The following RPS6KA5 variants were observed in gnomAD, a reference collection of about 807,000 sequenced individuals.
The protein encoded by RPS6KA5 is ribosomal protein S6 kinase A5.
A neutral mutation model predicts 85.5 loss-of-function variants in RPS6KA5; 27 were observed. The observed-to-expected ratio is 0.32, with a 90% CI of 0.23 to 0.44. The LOEUF (loss-of-function observed/expected upper bound fraction) is 0.44, where lower values mean the gene tolerates loss of function less well. RPS6KA5 is among the 20% of genes least tolerant of loss of function. RPS6KA5 has a pLI of 1.00. For missense variants in RPS6KA5, 811 were observed against 980.9 expected (o/e 0.83, Z 2.31); for synonymous variants, 334 against 348.2 (o/e 0.96, Z 0.46).
At chr14:91,005,404 T>C (rs775389789) in intron 1 of RPS6KA5, among the ~76,000 whole-genome samples, 8 of 152,268 alleles carry the variant, frequency 5.3e-5, no homozygotes, top group Non-Finnish European at 1.2e-4. Flanking sequence ...TTTGTTGTTG[T>C]TGTTTTTTGC....
chr14:90,905,531 G>A (rs1215543594), intron 8 of RPS6KA5, among the ~76,000 whole-genome samples: 2 of 152,030 alleles, frequency 1.3e-5, no homozygotes, highest in African/African-American at 4.8e-5. Context: ...TTAATATTTT[G>A]GTGTTTTTTT....
intron 6 of RPS6KA5, among the ~76,000 whole-genome samples, chr14:90,921,779 T>A (rs1431158669): frequency 1.3e-5 from 2 of 152,056 alleles, no homozygotes; most frequent in African/African-American, 4.8e-5. Flanking sequence ...CCAAAGATTC[T>A]CCACAGCCAG....
At chr14:90,934,440 CCTG>C (rs2037155952) in intron 5 of RPS6KA5, among the ~76,000 whole-genome samples, 1 of 151,770 alleles carries the variant, frequency 6.6e-6, no homozygotes, top group South Asian at 2.1e-4. Context: ...CTTTAAAGTC[CCTG>C]ACACTCAGCA....
intron 3 of RPS6KA5, among the ~76,000 whole-genome samples, chr14:90,975,233 T>TG (rs1353796096): frequency 6.6e-6 from 1 of 152,018 alleles, no homozygotes; most frequent in East Asian, 1.9e-4. Flanking sequence ...TCAGACAAAC[T>TG]GTTAGCAAGG....
intron 3 of RPS6KA5, among the ~76,000 whole-genome samples, chr14:90,977,503 C>T (rs922415994): frequency 1.3e-5 from 2 of 152,212 alleles, no homozygotes; most frequent in African/African-American, 4.8e-5. Flanking sequence ...GTGTAAAGGG[C>T]TGACTGATTA....
At chr14:90,877,617 T>A (rs1197494664) in intron 14 of RPS6KA5, among the ~76,000 whole-genome samples, 1 of 152,218 alleles carries the variant, frequency 6.6e-6, no homozygotes, top group African/African-American at 2.4e-5. Context: ...CTTCTGCAGT[T>A]CCCCATATTC....
In RPS6KA5 at chr14:91,020,534, CTGTGTGTGTGTGTG is replaced by C. The variant is rs34407471; in HGVS notation, c.104-19389_104-19376del. On this transcript the variant is annotated intron_variant, in intron 1 of 16. Coordinates refer to ENST00000614987, the MANE Select transcript of RPS6KA5 (RefSeq NM_004755.4). ...ATCTCCTATGGATGCTAAGGAATGA[CTGTGTGTGTGTGTG>C]TGTGTGTGTGTGTGTGTGTGTGTGT... is the stretch of plus-strand genomic sequence containing the variant. Among the ~76,000 whole-genome samples, 134 of 110,050 alleles carry C rather than the reference CTGTGTGTGTGTGTG, an allele frequency of 1.2e-3. 1 individual carries two copies. The highest frequency in any genetic ancestry group is 4.1e-3 in the African/African-American group (106 of 26,038). The allele number at this position is 110,050 out of a possible 152,430, so 72.2% of individuals were successfully genotyped here.
At chr14:90,937,071 A>T (rs2037298545) in intron 5 of RPS6KA5, among the ~76,000 whole-genome samples, 1 of 152,034 alleles carries the variant, frequency 6.6e-6, no homozygotes, top group Non-Finnish European at 1.5e-5. Context: ...GACTGAGCTG[A>T]GGGGAACCCT....
rs1398314132 is a variant in RPS6KA5, at chr14:91,013,498, A to G, written c.104-12339T>C. Among the ~76,000 whole-genome samples, 3 of 152,180 alleles carry G rather than the reference A, an allele frequency of 2.0e-5. No individual in the cohort carries two copies. The South Asian group carries it at 6.2e-4, about 32-fold the overall frequency. On this transcript the variant is annotated intron_variant, in intron 1 of 16. Transcript: ENST00000614987. ...AGCTGTGAGTAGGAAGGAAAAGCAT[A>G]CAGAAAACCACCAAAACAACAGAGA...
chr14:90,900,858 A>C (rs963467759), intron 9 of RPS6KA5, 122 bp from the exon 10 acceptor site: 4 of 766,546 alleles, frequency 5.2e-6, no homozygotes, highest in African/African-American at 1.8e-5. Flanking sequence ...AGATGAGTCT[A>C]ATTTTATTTT....
intron 8 of RPS6KA5, among the ~76,000 whole-genome samples, chr14:90,905,268 C>T (rs2035438331): frequency 6.6e-6 from 1 of 151,780 alleles, no homozygotes; most frequent in Non-Finnish European, 1.5e-5. Flanking sequence ...GACAGTTTTT[C>T]TTCATTTTGC....
At chr14:90,899,259 A>G in intron 12 of RPS6KA5, 70 bp downstream of exon 12, 2 of 1,087,832 alleles carry the variant, frequency 1.8e-6, no homozygotes, top group Non-Finnish European at 2.7e-6. Flanking sequence ...CACCAACAAA[A>G]CGCGTGAAAA....
chr14:90,941,220 AT>A (rs998933521), intron 5 of RPS6KA5, among the ~76,000 whole-genome samples: 2 of 151,906 alleles, frequency 1.3e-5, no homozygotes, highest in Non-Finnish European at 2.9e-5. Context: ...TCACAAAACT[AT>A]TTTTTTTAAA....
chr14:90,884,620 C>A (rs954066788), intron 14 of RPS6KA5, among the ~76,000 whole-genome samples: 1 of 152,198 alleles, frequency 6.6e-6, no homozygotes, highest in East Asian at 1.9e-4. Flanking sequence ...AAAATAGTTA[C>A]GTCAGAGAGA....
At chr14:90,975,804 GT>G (rs1487404277) in intron 3 of RPS6KA5, among the ~76,000 whole-genome samples, 8 of 152,166 alleles carry the variant, frequency 5.3e-5, no homozygotes, top group Non-Finnish European at 7.4e-5. Flanking sequence ...TTCCTGAAAA[GT>G]TTTCATCTTT....
intron 3 of RPS6KA5, among the ~76,000 whole-genome samples, chr14:90,963,796 C>G (rs2038925385): frequency 6.6e-6 from 1 of 152,016 alleles, no homozygotes; most frequent in African/African-American, 2.4e-5. Context: ...ATATTGAAAC[C>G]CAGCAACCCA....
chr14:90,983,968 C>T (rs12890093), intron 2 of RPS6KA5, among the ~76,000 whole-genome samples: 13 of 152,076 alleles, frequency 8.5e-5, no homozygotes, highest in Non-Finnish European at 1.5e-4. Flanking sequence ...TCCCAGCCTC[C>T]GGATTAGCTG....
At chr14:90,980,563 C>A (rs563937901) in intron 2 of RPS6KA5, among the ~76,000 whole-genome samples, 1 of 152,310 alleles carries the variant, frequency 6.6e-6, no homozygotes, top group African/African-American at 2.4e-5. Flanking sequence ...TCGATTCTTA[C>A]AACATTCCTA....
At chr14:90,970,911 T>TA (rs5810525) in intron 3 of RPS6KA5, among the ~76,000 whole-genome samples, 77,341 of 149,366 alleles carry the variant, frequency 0.52, 19,901 homozygotes, top group East Asian at 0.64. Flanking sequence ...GTTGTTGAAT[T>TA]AAAAAAAAAA....
Sources: allele counts gnomAD v4.1 joint callset (sites outside exome capture counted in the v4.1 genomes callset), GRCh38; gene constraint gnomAD v4.1.1; transcripts MANE v1.5; gene names NCBI Gene and HGNC (gene_info 2026-07-23, HGNC 2026-07-21).